PDE4D: variants seen among roughly 807,000 people sequenced by gnomAD.
PDE4D encodes phosphodiesterase 4D, also known as 3',5'-cyclic-AMP phosphodiesterase 4D.
Under a neutral mutation model 87.4 loss-of-function variants are expected in PDE4D, and 24 were observed. The observed-to-expected ratio is 0.27, with a 90% CI of 0.20 to 0.39. PDE4D has a LOEUF of 0.39. PDE4D is among the 10% of genes least tolerant of loss of function. The probability of loss-of-function intolerance (pLI) is 1.00; values close to 1 mark genes in which losing one functional copy is unlikely to be tolerated. For missense variants in PDE4D, 714 were observed against 1,041.0 expected (o/e 0.69, Z 4.32); for synonymous variants, 384 against 383.2 (o/e 1.00, Z -0.02).
intron 2 of PDE4D, among the ~76,000 whole-genome samples, chr5:60,157,917 CTTCCTTCCCT>C (rs1240808612): frequency 1.4e-5 from 2 of 147,710 alleles, no homozygotes; most frequent in Non-Finnish European, 3.0e-5. Flanking sequence ...TCCTTCCTTC[CTTCCTTCCCT>C]CTCTTTCTCA....
At chr5:59,635,956 C>T (rs763581468) in intron 1 of PDE4D, among the ~76,000 whole-genome samples, 20 of 152,102 alleles carry the variant, frequency 1.3e-4, no homozygotes, top group Non-Finnish European at 2.1e-4. Flanking sequence ...TCTCTCTTTG[C>T]GGATGACATG....
intron 5 of PDE4D, among the ~76,000 whole-genome samples, chr5:59,075,222 AAAAAG>A (rs1450084720): frequency 1.3e-5 from 2 of 152,178 alleles, no homozygotes; most frequent in African/African-American, 2.4e-5. Context: ...AGAGAAAAAG[AAAAAG>A]AAAAGAAATT....
intron 1 of PDE4D, among the ~76,000 whole-genome samples, chr5:59,520,916 G>T (rs1812108592): frequency 6.6e-6 from 1 of 151,888 alleles, no homozygotes. Context: ...TACACGTTGT[G>T]TGTGTGTGTC....
At position 59,893,309 on chromosome 5, in the gene PDE4D, C is replaced by G. The variant is rs1581631183; in HGVS notation, c.314G>C (p.Arg105Pro). 2 of 1,527,360 alleles carry G rather than the reference C, an allele frequency of 1.3e-6. No individual in the cohort carries two copies. Among genetic ancestry groups the G allele is most frequent in the Non-Finnish European group, 8.8e-7 (1 of 1,135,842 alleles). 94.6% of individuals were successfully genotyped at this position (1,527,360 alleles called of 1,614,324 possible). A position where few individuals can be genotyped will look rare whatever the true frequency, so the allele number is the denominator to read the frequency against. The change falls in exon 1 of 15, where the codon CGG becomes CCG. Residue 105 changes from arginine to proline, a missense_variant. By Grantham distance (103) the Arg-to-Pro change is moderately radical (BLOSUM62 -2). This residue lies in a region of PDE4D where 268 missense variants were observed against 272.9 expected (regional missense o/e 0.98). Coordinates refer to ENST00000340635, the MANE Select transcript of PDE4D (RefSeq NM_001104631.2). ...YASSGATGRV[R>P]HRGYSDTERY... The stretch of plus-strand genomic sequence containing the variant: ...CTCGGTGTCCGAGTAGCCGCGATGC[C>G]GGACGCGGCCGGTGGCCCCGCTCGA...
intron 1 of PDE4D, among the ~76,000 whole-genome samples, chr5:59,866,550 G>A (rs925233598): frequency 2.0e-5 from 3 of 152,192 alleles, no homozygotes; most frequent in South Asian, 2.1e-4. Context: ...CCGGAAGGCT[G>A]GGGCAGGAGG....
intron 1 of PDE4D, among the ~76,000 whole-genome samples, chr5:59,831,326 C>CAAAAAAAAAAAA (rs35043596): frequency 1.1e-5 from 1 of 91,366 alleles, no homozygotes; most frequent in Non-Finnish European, 2.0e-5. Context: ...AAATTATTCT[C>CAAAAAAAAAAAA]AAAAAAAAAA....
intron 1 of PDE4D, among the ~76,000 whole-genome samples, chr5:59,608,064 T>C (rs1034671885): frequency 6.6e-6 from 1 of 152,150 alleles, no homozygotes; most frequent in Non-Finnish European, 1.5e-5. Context: ...AATTCACACA[T>C]GCCTTCCCCT....
At chr5:59,820,941 G>A (rs1769572763) in intron 1 of PDE4D, among the ~76,000 whole-genome samples, 1 of 152,068 alleles carries the variant, frequency 6.6e-6, no homozygotes, top group African/African-American at 2.4e-5. Context: ...TATAATAAAT[G>A]AAAATTAGGG....
intron 2 of PDE4D, among the ~76,000 whole-genome samples, chr5:60,099,860 C>G (rs1229973445): frequency 1.3e-5 from 2 of 151,958 alleles, no homozygotes; most frequent in Non-Finnish European, 2.9e-5. Flanking sequence ...CCCTTTCAAG[C>G]AGCAATTTCA....
Position 59,973,337 on chromosome 5 carries a change from A to G in PDE4D, c.272+15151T>C, listed in dbSNP as rs1487809506. On this transcript the variant is annotated intron_variant, in intron 3 of 16. Coordinates refer to the PDE4D transcript ENST00000502484. The stretch of plus-strand genomic sequence containing the variant: ...TCACATTGTTTTCCAGTTCTCAGCC[A>G]CATGCAGGCATATATTTTGCAGTGT... 3.9e-5 allele frequency among the ~76,000 whole-genome samples: 6 copies of G among 152,224 alleles called. No individual in the cohort carries two copies. In the East Asian group the frequency reaches 1.2e-3, roughly 29 times the overall value.
rs540649626 is a variant in PDE4D, at chr5:59,226,521, T to C, written c.456-10553A>G. Among the ~76,000 whole-genome samples the C allele has an allele frequency of 1.1e-3, 170 of 152,256 alleles. 1 individual carries two copies. The highest frequency in any genetic ancestry group is 3.6e-3 in the African/African-American group (149 of 41,552). On this transcript the variant is annotated intron_variant, in intron 1 of 14. Transcript: ENST00000340635. ...GGAGAAATGGAGAGTTGTTGTTCAATGTGTATCATTTAATCATGCAAGATG... is the reference window on the plus strand; with the variant it reads ...GGAGAAATGGAGAGTTGTTGTTCAACGTGTATCATTTAATCATGCAAGATG...
intron 2 of PDE4D, among the ~76,000 whole-genome samples, chr5:59,207,172 G>A (rs764956225): frequency 3.3e-5 from 5 of 151,904 alleles, no homozygotes; most frequent in Non-Finnish European, 7.4e-5. Flanking sequence ...CAATAATAGA[G>A]TGAGACTCTG....
chr5:59,731,161 T>C (rs987014450), intron 1 of PDE4D, among the ~76,000 whole-genome samples: 5 of 152,016 alleles, frequency 3.3e-5, no homozygotes, highest in African/African-American at 4.8e-5. Context: ...TAGGGGCAAG[T>C]ATATGAAATT....
intron 1 of PDE4D, among the ~76,000 whole-genome samples, chr5:60,473,143 G>C (rs1747970452): frequency 1.2e-5 from 1 of 86,812 alleles, no homozygotes; most frequent in Non-Finnish European, 2.4e-5. Context: ...AAGGAAGGAA[G>C]GAAGGAAGGA....
intron 2 of PDE4D, among the ~76,000 whole-genome samples, chr5:60,181,708 G>A (rs1417714215): frequency 6.6e-6 from 1 of 151,802 alleles, no homozygotes; most frequent in East Asian, 1.9e-4. Context: ...TAGAAAATTG[G>A]GAATTTAATG....
intron 1 of PDE4D, among the ~76,000 whole-genome samples, chr5:59,449,385 G>T (rs1798809850): frequency 6.6e-6 from 1 of 152,184 alleles, no homozygotes; most frequent in Non-Finnish European, 1.5e-5. Context: ...ACATTAAGCA[G>T]ATATAGTTTT....
chr5:60,210,396 A>G (rs1743058289), intron 1 of PDE4D, among the ~76,000 whole-genome samples: 1 of 152,138 alleles, frequency 6.6e-6, no homozygotes, highest in Non-Finnish European at 1.5e-5. Context: ...AAAATAAAGA[A>G]AGCAGCCTCA....
chr5:59,414,242 T>C (rs1793205493), intron 1 of PDE4D, among the ~76,000 whole-genome samples: 1 of 152,204 alleles, frequency 6.6e-6, no homozygotes, highest in South Asian at 2.1e-4. Flanking sequence ...AGATATGGAA[T>C]GTGAACCTCA....
At chr5:59,755,370 A>G (rs1185649425) in intron 1 of PDE4D, among the ~76,000 whole-genome samples, 1 of 152,210 alleles carries the variant, frequency 6.6e-6, no homozygotes, top group African/African-American at 2.4e-5. Flanking sequence ...ACAGTAATAT[A>G]CAAAGCTTTA....
Sources: allele counts gnomAD v4.1 joint callset (sites outside exome capture counted in the v4.1 genomes callset), GRCh38; gene constraint gnomAD v4.1.1; regional missense constraint gnomAD v4.1.1; transcripts MANE v1.5; gene names NCBI Gene and HGNC (gene_info 2026-07-23, HGNC 2026-07-21).